Variants in ARHGAP44 observed in about 807,000 individuals in gnomAD.
The protein encoded by ARHGAP44 is rho GTPase-activating protein 44.
ARHGAP44 carries 43 observed loss-of-function variants against 106.8 expected under a neutral mutation model. The observed-to-expected ratio is 0.40, with a 90% CI of 0.32 to 0.52. The LOEUF (loss-of-function observed/expected upper bound fraction) is 0.52. Ranked by LOEUF, ARHGAP44 falls within the 20% of genes least tolerant of loss-of-function variation. ARHGAP44 has a pLI of 0.48. For missense variants in ARHGAP44, 866 were observed against 1,050.5 expected (o/e 0.82, Z 2.43); for synonymous variants, 439 against 410.3 (o/e 1.07, Z -0.85).
chr17:12,906,183 A>T (rs2037539960), intron 3 of ARHGAP44, among the ~76,000 whole-genome samples: 1 of 152,212 alleles, frequency 6.6e-6, no homozygotes, highest in Non-Finnish European at 1.5e-5. Flanking sequence ...CAACTGGAAT[A>T]TTATGCCTGC....
chr17:12,904,608 A>G (rs1385662776), intron 3 of ARHGAP44, among the ~76,000 whole-genome samples: 1 of 152,154 alleles, frequency 6.6e-6, no homozygotes, highest in Admixed American at 6.5e-5. Context: ...AAATAAAAGA[A>G]CAAGACAGTT....
At chr17:12,974,352 TG>T (rs2039616379) in intron 18 of ARHGAP44, 42 bp downstream of exon 18, 1 of 1,350,032 alleles carries the variant, frequency 7.4e-7, no homozygotes, top group African/African-American at 1.5e-5. Context: ...TGGTGTGCGG[TG>T]CAGGGGGTGT....
chr17:12,903,958 C>G (rs2037471048), intron 3 of ARHGAP44, among the ~76,000 whole-genome samples: 1 of 152,160 alleles, frequency 6.6e-6, no homozygotes, highest in Admixed American at 6.5e-5. Context: ...CTTAGAGAAT[C>G]TTTTTAGAAA....
intron 6 of ARHGAP44, among the ~76,000 whole-genome samples, chr17:12,921,725 T>C (rs1441815931): frequency 6.6e-6 from 1 of 152,244 alleles, no homozygotes; most frequent in Non-Finnish European, 1.5e-5. Flanking sequence ...ATATGTGACC[T>C]TGGTCAAGTC....
chr17:12,930,513 C>T (rs1370537397), intron 7 of ARHGAP44, among the ~76,000 whole-genome samples: 1 of 152,306 alleles, frequency 6.6e-6, no homozygotes, highest in East Asian at 1.9e-4. Flanking sequence ...GCTGGGATTA[C>T]AGGCGTGAGC....
intron 3 of ARHGAP44, among the ~76,000 whole-genome samples, chr17:12,897,952 T>C (rs974927920): frequency 6.6e-6 from 1 of 152,086 alleles, no homozygotes; most frequent in African/African-American, 2.4e-5. Context: ...TAAGGATACA[T>C]TTGGATCCTT....
intron 16 of ARHGAP44, among the ~76,000 whole-genome samples, chr17:12,970,281 A>T (rs932138102): frequency 6.6e-6 from 1 of 150,468 alleles, no homozygotes; most frequent in African/African-American, 2.4e-5. Context: ...TGAGAAGATC[A>T]CTTGAACCCG....
rs2038143150 is a variant in ARHGAP44 at position 12,923,442 on chromosome 17, C to A, written c.464+3611C>A. Among the ~76,000 whole-genome samples, 3 of 152,290 alleles carry A rather than the reference C, an allele frequency of 2.0e-5. No homozygotes were observed. The South Asian group carries it at 6.2e-4, about 32-fold the overall frequency. Reference sequence around the variant, plus strand: ...TGTTGGCCAGGCTGGTCTCGAACTCCTGACCTCAGGTAGATCCGTCTGCCT... The same window carrying A: ...TGTTGGCCAGGCTGGTCTCGAACTCATGACCTCAGGTAGATCCGTCTGCCT... On this transcript the variant is annotated intron_variant, in intron 6 of 20. Coordinates refer to ENST00000379672, the MANE Select transcript of ARHGAP44 (RefSeq NM_014859.6).
chr17:12,828,753 T>A (rs2035001284), intron 1 of ARHGAP44, among the ~76,000 whole-genome samples: 1 of 150,040 alleles, frequency 6.7e-6, no homozygotes, highest in Non-Finnish European at 1.5e-5. Context: ...GCCATTCTCC[T>A]GCCTCAGCCT....
intron 1 of ARHGAP44, among the ~76,000 whole-genome samples, chr17:12,791,485 A>G (rs909649312): frequency 6.6e-6 from 1 of 152,134 alleles, no homozygotes; most frequent in Admixed American, 6.5e-5. Flanking sequence ...CTGACACTAG[A>G]CTTGGGTTGC....
At position 12,956,670 on chromosome 17, in the gene ARHGAP44, G is replaced by A. The variant is rs746649317; in HGVS notation, c.1266G>A (p.Met422Ile). Reference sequence around the variant, plus strand: ...CTGCTTACAGGAACATTACAGAGATGATGACCACAGTGTCGCTGCAAATTG... The same window carrying A: ...CTGCTTACAGGAACATTACAGAGATAATGACCACAGTGTCGCTGCAAATTG... Reference protein sequence around the residue: ...WPQAEGNITEMMTTVSLQIVG... With the variant: ...WPQAEGNITEIMTTVSLQIVG... Residue 422 changes from methionine to isoleucine, a missense_variant, in exon 15 of 21, where the codon ATG (methionine) becomes ATA (isoleucine). Transcript: ENST00000379672. 3 of 1,614,108 alleles carry A rather than the reference G, an allele frequency of 1.9e-6. No homozygotes were observed. The highest frequency in any genetic ancestry group is 3.3e-5 in the Admixed American group (2 of 60,020).
rs541165259 is a variant in ARHGAP44, at chr17:12,946,348, T to G, written c.861+2152T>G. ...GTATCTCTGTAAGATAGCGGATGTT[T>G]TGAAATATAATTTTTGGCTGAGCAC... On this transcript the variant is annotated intron_variant, in intron 10 of 20. Coordinates refer to ENST00000379672, the MANE Select transcript of ARHGAP44 (RefSeq NM_014859.6). Among the ~76,000 whole-genome samples the G allele has an allele frequency of 2.0e-5, 3 of 152,106 alleles. No homozygotes were observed. The East Asian group carries it at 5.8e-4, about 29-fold the overall frequency.
intron 1 of ARHGAP44, among the ~76,000 whole-genome samples, chr17:12,893,768 C>T (rs2037118135): frequency 6.6e-6 from 1 of 152,178 alleles, no homozygotes. Flanking sequence ...TTCTAGGCTG[C>T]TCCTTTCTTT....
intron 1 of ARHGAP44, among the ~76,000 whole-genome samples, chr17:12,847,602 C>T (rs1452691783): frequency 6.6e-6 from 1 of 151,204 alleles, no homozygotes; most frequent in East Asian, 2.0e-4. Context: ...CAAGCTCCGC[C>T]TCCTGGGTTC....
intron 1 of ARHGAP44, among the ~76,000 whole-genome samples, chr17:12,861,844 AG>A (rs1362458999): frequency 1.3e-5 from 2 of 151,904 alleles, no homozygotes; most frequent in Non-Finnish European, 2.9e-5. Context: ...CATGTTGGCC[AG>A]GCTGGTCTTG....
intron 3 of ARHGAP44, among the ~76,000 whole-genome samples, 161 bp downstream of exon 3, chr17:12,896,672 A>G (rs1429721161): frequency 6.6e-6 from 1 of 152,124 alleles, no homozygotes; most frequent in Non-Finnish European, 1.5e-5. Flanking sequence ...CTGTGGGGTA[A>G]TGACCCTCCC....
At chr17:12,963,679 G>A (rs1239633061) in intron 16 of ARHGAP44, among the ~76,000 whole-genome samples, 2 of 152,054 alleles carry the variant, frequency 1.3e-5, no homozygotes, top group Non-Finnish European at 2.9e-5. Flanking sequence ...TGCCGTGTGA[G>A]CAGACAGGCC....
At chr17:12,792,663 C>T (rs1017053839) in intron 1 of ARHGAP44, among the ~76,000 whole-genome samples, 6 of 152,090 alleles carry the variant, frequency 3.9e-5, no homozygotes, top group Non-Finnish European at 7.4e-5. Flanking sequence ...TTATATTTTT[C>T]TAAAGTTTTC....
At chr17:12,940,308 A>T (rs2038672232) in intron 7 of ARHGAP44, among the ~76,000 whole-genome samples, 1 of 152,228 alleles carries the variant, frequency 6.6e-6, no homozygotes, top group Non-Finnish European at 1.5e-5. Flanking sequence ...AATATGGTTA[A>T]TGACAGAGTC....
Sources: gnomAD v4.1 joint callset for allele counts (sites outside exome capture counted in the v4.1 genomes callset) on GRCh38, gnomAD v4.1.1 for gene constraint, MANE v1.5 for transcripts, NCBI Gene and HGNC (gene_info 2026-07-23, HGNC 2026-07-21) for gene names.